PARN: variants seen among roughly 807,000 people sequenced by gnomAD.
The protein encoded by PARN is poly(A)-specific ribonuclease, also known as poly(A)-specific ribonuclease PARN.
Under a neutral mutation model 102.8 loss-of-function variants are expected in PARN, and 71 were observed. That is an observed-to-expected ratio of 0.69 (90% CI 0.57 to 0.84). The LOEUF (loss-of-function observed/expected upper bound fraction) is 0.84. Ranked by LOEUF, PARN falls within the 40% of genes least tolerant of loss-of-function variation. The pLI is 0.00. For missense variants in PARN, 782 were observed against 760.9 expected, an observed-to-expected ratio of 1.03 and a Z score of -0.33; for synonymous variants, 261 against 252.9, an observed-to-expected ratio of 1.03 and a Z score of -0.30.
chr16:14,539,664 A>G (rs1966765264), intron 21 of PARN, among the ~76,000 whole-genome samples: 1 of 152,250 alleles, frequency 6.6e-6, no homozygotes, highest in Admixed American at 6.5e-5. Context: ...TCTAATCAGA[A>G]GGTATCCATC....
chr16:14,512,683 G>A (rs1215680773), intron 21 of PARN, among the ~76,000 whole-genome samples: 1 of 152,076 alleles, frequency 6.6e-6, no homozygotes, highest in Non-Finnish European at 1.5e-5. Flanking sequence ...AGAAATCAAG[G>A]GTGGGACCCC....
At chr16:14,560,320 G>A (rs1405555344) in intron 18 of PARN, among the ~76,000 whole-genome samples, 3 of 152,168 alleles carry the variant, frequency 2.0e-5, no homozygotes, top group East Asian at 1.9e-4. Context: ...TGCACGAAAC[G>A]TTCTTTCTAT....
At chr16:14,565,455 A>G (rs1968372482) in intron 18 of PARN, among the ~76,000 whole-genome samples, 1 of 152,162 alleles carries the variant, frequency 6.6e-6, no homozygotes, top group East Asian at 1.9e-4. Context: ...CCAGCAGCTC[A>G]TTTCAACAGT....
intron 21 of PARN, among the ~76,000 whole-genome samples, chr16:14,496,947 T>C (rs1964345530): frequency 6.6e-6 from 1 of 152,330 alleles, no homozygotes; most frequent in East Asian, 1.9e-4. Flanking sequence ...GCCTGAGACA[T>C]GTTAAAATAA....
chr16:14,557,607 T>C (rs545118406), intron 18 of PARN, among the ~76,000 whole-genome samples: 4 of 140,126 alleles, frequency 2.9e-5, no homozygotes, highest in South Asian at 2.3e-4. Flanking sequence ...AGTTTACAAA[T>C]GGAACCATCA....
At chr16:14,440,015 A>AAAC (rs554595692) in intron 23 of PARN, among the ~76,000 whole-genome samples, 363 of 151,946 alleles carry the variant, frequency 2.4e-3, no homozygotes, top group African/African-American at 3.8e-3. Context: ...ACTGTCTCGA[A>AAAC]AACAACAACA....
intron 6 of PARN, among the ~76,000 whole-genome samples, chr16:14,617,165 A>C (rs1184240672): frequency 5.9e-5 from 9 of 151,374 alleles, no homozygotes; most frequent in African/African-American, 2.2e-4. Flanking sequence ...TGGGCAGATC[A>C]CGAGGTCAGG....
intron 5 of PARN, among the ~76,000 whole-genome samples, chr16:14,618,207 G>A (rs574828853): frequency 1.3e-5 from 2 of 152,236 alleles, no homozygotes; most frequent in East Asian, 3.9e-4. Context: ...AGCCGGGTGT[G>A]CCAGGCGCGG....
intron 18 of PARN, among the ~76,000 whole-genome samples, chr16:14,559,242 CTTTAT>C (rs1258458423): frequency 8.0e-5 from 12 of 150,140 alleles, no homozygotes; most frequent in Admixed American, 1.3e-4. Flanking sequence ...TTTTTTATTT[CTTTAT>C]TTTATTTTTT....
At chr16:14,459,922 T>C (rs180673398) in intron 22 of PARN, among the ~76,000 whole-genome samples, 9 of 152,310 alleles carry the variant, frequency 5.9e-5, no homozygotes, top group Admixed American at 5.9e-4. Flanking sequence ...GCTGGAATAA[T>C]TGCATATCTA....
At chr16:14,587,833 C>G (rs924370392) in intron 13 of PARN, among the ~76,000 whole-genome samples, 1 of 152,244 alleles carries the variant, frequency 6.6e-6, no homozygotes, top group Non-Finnish European at 1.5e-5. Flanking sequence ...AAATCACTTG[C>G]TCTTTCTACC....
intron 7 of PARN, among the ~76,000 whole-genome samples, chr16:14,610,386 T>C (rs1426615564): frequency 1.3e-5 from 2 of 151,718 alleles, no homozygotes; most frequent in Non-Finnish European, 2.9e-5. Context: ...GGCACAAGAA[T>C]TGCTTGAACC....
At chr16:14,601,192 A>G (rs1328521513) in intron 11 of PARN, among the ~76,000 whole-genome samples, 1 of 152,238 alleles carries the variant, frequency 6.6e-6, no homozygotes, top group Non-Finnish European at 1.5e-5. Context: ...ATTATTCACA[A>G]TAGTCAAAAG....
At chr16:14,508,524 T>G (rs915712592) in intron 21 of PARN, among the ~76,000 whole-genome samples, 4 of 152,046 alleles carry the variant, frequency 2.6e-5, no homozygotes, top group African/African-American at 7.2e-5. Context: ...TGTGGGGAAA[T>G]GCAGGCTCAC....
In PARN at chr16:14,435,896, T is replaced by TCACACACACACACA. The variant is rs71373026; in HGVS notation, c.*807_*820dup. The TCACACACACACACA allele has an allele frequency of 3.6e-4, 47 of 131,162 alleles. No individual in the cohort carries two copies. The highest frequency in any genetic ancestry group is 1.0e-3 in the African/African-American group (35 of 33,920). The allele number at this position is 131,162 out of a possible 1,614,324, so 8.1% of individuals were successfully genotyped here. A position where few individuals can be genotyped will look rare whatever the true frequency, so the allele number is the denominator to read the frequency against. ...GGACATGTTGTAGATTTGCACGATT[T>TCACACACACACACA]CACACACACACACACACACACACAC... On this transcript the variant is annotated 3_prime_UTR_variant, in exon 24 of 24. Coordinates refer to ENST00000437198, the MANE Select transcript of PARN (RefSeq NM_002582.4).
intron 6 of PARN, among the ~76,000 whole-genome samples, chr16:14,615,255 C>T (rs940735133): frequency 6.8e-6 from 1 of 147,978 alleles, no homozygotes; most frequent in Non-Finnish European, 1.5e-5. Context: ...GACTATAAAA[C>T]AGAAGAAGGA....
intron 21 of PARN, among the ~76,000 whole-genome samples, chr16:14,542,003 T>C (rs1966843909): frequency 6.6e-6 from 1 of 151,946 alleles, no homozygotes; most frequent in South Asian, 2.1e-4. Flanking sequence ...GTTGGAATTA[T>C]TAGAGAATGA....
chr16:14,566,763 A>G (rs1272485839), intron 18 of PARN, among the ~76,000 whole-genome samples: 1 of 152,256 alleles, frequency 6.6e-6, no homozygotes, highest in Non-Finnish European at 1.5e-5. Flanking sequence ...TAAAGTAACT[A>G]GAGCAAACAC....
At position 14,582,222 on chromosome 16, in the gene PARN, T is replaced by C. The variant is rs199551987; in HGVS notation, c.1151A>G (p.Tyr384Cys). 1.5e-4 allele frequency: 245 copies of C among 1,613,166 alleles called. No individual in the cohort carries two copies. The highest frequency in any genetic ancestry group is 2.0e-4 in the Non-Finnish European group (231 of 1,179,172). Residue 384 changes from tyrosine (Y) to cysteine (C), a missense_variant, in exon 17 of 24, where the codon TAC (tyrosine) becomes TGC (cysteine). Physicochemically the swap from Tyr to Cys is radical, Grantham distance 194. Transcript: ENST00000437198. ...EQLHEAGYDA[Y>C]ITGLCFISMA... Reference sequence around the variant, plus strand: ...GGAGATGAAGCACAGCCCTGTGATGTAGGCATCGTAGCCTGCCTCGTGGAG... The same window carrying C: ...GGAGATGAAGCACAGCCCTGTGATGCAGGCATCGTAGCCTGCCTCGTGGAG...
Sources: allele counts gnomAD v4.1 joint callset (sites outside exome capture counted in the v4.1 genomes callset), GRCh38; gene constraint gnomAD v4.1.1; transcripts MANE v1.5; gene names NCBI Gene and HGNC (gene_info 2026-07-23, HGNC 2026-07-21).